NOL4L: variants seen among roughly 807,000 people sequenced by gnomAD.
The protein encoded by NOL4L is nucleolar protein 4-like.
NOL4L carries 7 observed loss-of-function variants against 64.5 expected under a neutral mutation model. The observed-to-expected ratio is 0.11, with a 90% confidence interval of 0.06 to 0.20. The LOEUF (loss-of-function observed/expected upper bound fraction) is 0.20, where lower values mean the gene tolerates loss of function less well. NOL4L is among the 10% of genes least tolerant of loss of function. NOL4L has a pLI of 1.00. For synonymous variants in NOL4L, 413 were observed against 401.0 expected (o/e 1.03, Z -0.36); for missense variants, 680 against 967.1 (o/e 0.70, Z 3.94).
At chr20:32,483,300 G>C (rs1316893832) in intron 4 of NOL4L, 2 of 932,312 alleles carry the variant, frequency 2.1e-6, no homozygotes, top group African/African-American at 1.8e-5. Flanking sequence ...GCCGGAGAAG[G>C]GGGGCGGCGG....
intron 1 of NOL4L, among the ~76,000 whole-genome samples, chr20:32,538,598 G>A (rs1451841931): frequency 2.0e-5 from 3 of 152,158 alleles, no homozygotes; most frequent in Admixed American, 2.0e-4. Flanking sequence ...GGGGTGGGGG[G>A]AGACTGCACC....
rs1429443935 is a variant in NOL4L, at chr20:32,520,777, C to T, written c.589+34G>A. 5.1e-6 allele frequency: 7 copies of T among 1,381,148 alleles called. No individual in the cohort carries two copies. In the African/African-American group the frequency reaches 1.0e-4, roughly 20 times the overall value. The allele number at this position is 1,381,148 out of a possible 1,614,324, so 85.6% of individuals were successfully genotyped here. A position where few individuals can be genotyped will look rare whatever the true frequency, so the allele number is the denominator to read the frequency against. ...GGGACAGTCCACTCTTAGATGGCCC[C>T]CGCCCTAGCCCTCCAGCACGCCACC... On this transcript the variant is annotated intron_variant, in intron 3 of 10. Transcript: ENST00000621426.
At chr20:32,578,907 C>T (rs1225385306) in intron 1 of NOL4L, among the ~76,000 whole-genome samples, 5 of 152,152 alleles carry the variant, frequency 3.3e-5, no homozygotes, top group Admixed American at 2.6e-4. Context: ...TAGCAAGAGG[C>T]GGGTAGGGGG....
intron 4 of NOL4L, among the ~76,000 whole-genome samples, chr20:32,496,547 T>G (rs1033714648): frequency 6.6e-6 from 1 of 151,696 alleles, no homozygotes; most frequent in Non-Finnish European, 1.5e-5. Flanking sequence ...AGGAAGAAAT[T>G]TCTTTCTTTC....
chr20:32,540,280 C>T (rs1400116969), intron 1 of NOL4L, among the ~76,000 whole-genome samples: 1 of 152,222 alleles, frequency 6.6e-6, no homozygotes. Context: ...CACACACACA[C>T]AGTCAGTCTG....
chr20:32,560,045 G>T (rs1978910608), intron 1 of NOL4L, among the ~76,000 whole-genome samples: 1 of 152,232 alleles, frequency 6.6e-6, no homozygotes, highest in South Asian at 2.1e-4. Flanking sequence ...TCTTGCTCCA[G>T]GGCACTCGCA....
At chr20:32,535,646 G>A (rs904696869) in intron 1 of NOL4L, 1 of 985,364 alleles carries the variant, frequency 1.0e-6, no homozygotes, top group Non-Finnish European at 1.2e-6. Flanking sequence ...CCTGGGACCA[G>A]CCCCTCAAAC....
chr20:32,509,839 T>G, intron 4 of NOL4L: 3 of 1,304,122 alleles, frequency 2.3e-6, no homozygotes, highest in Non-Finnish European at 3.0e-6. Context: ...GGGGCTGTGC[T>G]TCCGGCTGTT....
chr20:32,506,609 C>T (rs979461003), intron 4 of NOL4L, among the ~76,000 whole-genome samples: 3 of 151,912 alleles, frequency 2.0e-5, no homozygotes, highest in Non-Finnish European at 4.4e-5. Context: ...TGCAGTGAGC[C>T]GAGATCGCGC....
intron 4 of NOL4L, among the ~76,000 whole-genome samples, chr20:32,476,320 G>A (rs1417188509): frequency 1.3e-5 from 2 of 152,178 alleles, no homozygotes; most frequent in Admixed American, 6.5e-5. Context: ...CGAAGGGGAG[G>A]GGGAAGAGAG....
chr20:32,446,449 T>G lies in NOL4L; in HGVS notation c.*1147A>C, dbSNP rs181772269. 23 of 152,404 alleles carry G rather than the reference T, an allele frequency of 1.5e-4. No homozygotes were observed. The highest frequency in any genetic ancestry group is 5.1e-4 in the African/African-American group (21 of 41,578). 9.4% of individuals were successfully genotyped at this position (152,404 alleles called of 1,614,324 possible). On this transcript the variant is annotated 3_prime_UTR_variant, in exon 11 of 11. Transcript: ENST00000621426. ...CGCCCTGGAGCTCACGGCTGCCTGA[T>G]AGCCGGGGCTCACCCTGAAGAAGTG...
chr20:32,565,785 G>T (rs963192953), intron 1 of NOL4L, among the ~76,000 whole-genome samples: 1 of 152,216 alleles, frequency 6.6e-6, no homozygotes, highest in Non-Finnish European at 1.5e-5. Context: ...AGGCACAGTG[G>T]CTCACGCCTG....
chr20:32,454,328 C>T (rs1007472004), intron 6 of NOL4L, among the ~76,000 whole-genome samples: 21 of 152,330 alleles, frequency 1.4e-4, no homozygotes, highest in South Asian at 2.1e-4. Context: ...GATGCGTTCC[C>T]GCAGCTCCTG....
At position 32,443,969 on chromosome 20, in the gene NOL4L, G is replaced by C. The variant is rs764328984; in HGVS notation, c.*3627C>G. 2.0e-5 allele frequency: 3 copies of C among 152,222 alleles called. No individual in the cohort carries two copies. In the East Asian group the frequency reaches 5.8e-4, roughly 29 times the overall value. The allele number at this position is 152,222 out of a possible 1,614,324, so 9.4% of individuals were successfully genotyped here. A position where few individuals can be genotyped will look rare whatever the true frequency, so the allele number is the denominator to read the frequency against. The stretch of plus-strand genomic sequence containing the variant: ...GTTTTTCAGCCAATCTGAGTTCTAC[G>C]TGGTATAGGTTTTTTGTTGTATTTT... On this transcript the variant is annotated 3_prime_UTR_variant, in exon 11 of 11. Coordinates refer to ENST00000621426, the MANE Select transcript of NOL4L (RefSeq NM_001256798.2).
At chr20:32,466,367 A>G (rs896353222) in intron 5 of NOL4L, among the ~76,000 whole-genome samples, 1 of 147,170 alleles carries the variant, frequency 6.8e-6, no homozygotes, top group Non-Finnish European at 1.5e-5. Flanking sequence ...GGCCCTGCCC[A>G]CTCCTGGATA....
chr20:32,450,950 A>G lies in NOL4L; in HGVS notation c.1822+1286T>C, dbSNP rs141297214. 7.5e-3 allele frequency among the ~76,000 whole-genome samples: 1,149 copies of G among 152,264 alleles called. 6 individuals carry two copies. The highest frequency in any genetic ancestry group is 0.012 in the Admixed American group (183 of 15,302). The stretch of plus-strand genomic sequence containing the variant: ...GGATGAGGAGTTAAGCCCAGGCAGG[A>G]ATCTTCCAGGGACCTGCATACACTT... On this transcript the variant is annotated intron_variant, in intron 10 of 10. Coordinates refer to ENST00000621426, the MANE Select transcript of NOL4L (RefSeq NM_001256798.2).
At chr20:32,572,199 T>C (rs531029922) in intron 1 of NOL4L, among the ~76,000 whole-genome samples, 2 of 152,332 alleles carry the variant, frequency 1.3e-5, no homozygotes, top group South Asian at 4.1e-4. Context: ...CTTTGTGCTC[T>C]TGGGCATCTT....
At chr20:32,479,336 G>A (rs897484949) in intron 4 of NOL4L, among the ~76,000 whole-genome samples, 1 of 152,220 alleles carries the variant, frequency 6.6e-6, no homozygotes. Flanking sequence ...CTCACCCAGA[G>A]GTCACAGGGC....
At chr20:32,533,840 G>C (rs888909110) in intron 1 of NOL4L, among the ~76,000 whole-genome samples, 1 of 152,220 alleles carries the variant, frequency 6.6e-6, no homozygotes. Context: ...AGACCTAAGA[G>C]GGGGATCGGC....
Sources: allele counts gnomAD v4.1 joint callset (sites outside exome capture counted in the v4.1 genomes callset), GRCh38; gene constraint gnomAD v4.1.1; transcripts MANE v1.5; gene names NCBI Gene and HGNC (gene_info 2026-07-23, HGNC 2026-07-21).